The following PACRG variants were observed in gnomAD, a reference collection of about 807,000 sequenced individuals.
PACRG encodes parkin coregulated gene protein.
Under a neutral mutation model 29.7 loss-of-function variants are expected in PACRG, and 29 were observed. The ratio of observed to expected loss-of-function variants is 0.98; its 90% CI spans 0.73 to 1.33. The LOEUF (loss-of-function observed/expected upper bound fraction) is 1.33, where lower values mean the gene tolerates loss of function less well. Ranked by LOEUF, PACRG falls within the 40% of genes most tolerant of loss-of-function variation. The pLI, the probability that PACRG is intolerant of heterozygous loss-of-function variation, is 0.00. For missense variants in PACRG, 279 were observed against 316.2 expected (o/e 0.88, Z 0.89); for synonymous variants, 116 against 118.7 (o/e 0.98, Z 0.15).
intron 4 of PACRG, among the ~76,000 whole-genome samples, chr6:163,118,564 C>G (rs74426080): frequency 0.011 from 1,645 of 152,318 alleles, 34 homozygotes; most frequent in African/African-American, 0.038. Flanking sequence ...TTAGGCTGAT[C>G]CTACCTTACC....
chr6:163,233,786 A>G (rs1013223208), intron 4 of PACRG, among the ~76,000 whole-genome samples: 2 of 152,230 alleles, frequency 1.3e-5, no homozygotes, highest in Non-Finnish European at 2.9e-5. Flanking sequence ...GTAAAAGATA[A>G]CTTCTGGATT....
intron 4 of PACRG, among the ~76,000 whole-genome samples, chr6:163,162,655 A>T (rs1778606107): frequency 6.6e-6 from 1 of 152,206 alleles, no homozygotes; most frequent in African/African-American, 2.4e-5. Flanking sequence ...GCAAGGATTC[A>T]AGTGTCACAT....
intron 4 of PACRG, among the ~76,000 whole-genome samples, chr6:163,097,974 A>C (rs1277158748): frequency 6.6e-6 from 1 of 152,176 alleles, no homozygotes; most frequent in Non-Finnish European, 1.5e-5. Flanking sequence ...ATGACTTTTC[A>C]GTCCATTTCA....
At chr6:163,003,099 A>G (rs988792002) in intron 2 of PACRG, among the ~76,000 whole-genome samples, 1 of 152,200 alleles carries the variant, frequency 6.6e-6, no homozygotes, top group African/African-American at 2.4e-5. Context: ...CATTCTCACC[A>G]GCTGCTGCTA....
At chr6:163,160,057 G>A (rs576706789) in intron 4 of PACRG, among the ~76,000 whole-genome samples, 3 of 152,290 alleles carry the variant, frequency 2.0e-5, no homozygotes, top group African/African-American at 7.2e-5. Context: ...TTTTCGCTGT[G>A]TGTTGGGAAT....
At chr6:163,253,682 A>C (rs546396607) in intron 4 of PACRG, among the ~76,000 whole-genome samples, 5 of 152,352 alleles carry the variant, frequency 3.3e-5, no homozygotes, top group Admixed American at 6.5e-5. Flanking sequence ...TGTCAGTTTT[A>C]TAAATAGAAT....
intron 4 of PACRG, among the ~76,000 whole-genome samples, chr6:163,195,006 G>A (rs1233825193): frequency 6.6e-6 from 1 of 152,142 alleles, no homozygotes; most frequent in Non-Finnish European, 1.5e-5. Flanking sequence ...TGAACAGTGA[G>A]CCTCTCCTCC....
intron 1 of PACRG, among the ~76,000 whole-genome samples, chr6:162,801,067 A>C (rs758943127): frequency 6.6e-6 from 1 of 152,198 alleles, no homozygotes; most frequent in Non-Finnish European, 1.5e-5. Flanking sequence ...GGTCAAGCTG[A>C]AAAACCAGCT....
chr6:163,098,451 C>G (rs1814798346), intron 4 of PACRG, among the ~76,000 whole-genome samples: 1 of 152,234 alleles, frequency 6.6e-6, no homozygotes, highest in African/African-American at 2.4e-5. Flanking sequence ...GCTCGTCCCT[C>G]CGATTATTCC....
intron 3 of PACRG, among the ~76,000 whole-genome samples, chr6:163,066,058 C>T (rs924711802): frequency 1.3e-5 from 2 of 152,178 alleles, no homozygotes; most frequent in East Asian, 3.9e-4. Context: ...GAAAAATTAT[C>T]TCTTATTACG....
chr6:163,099,485 T>C (rs531439202), intron 4 of PACRG, among the ~76,000 whole-genome samples: 1 of 152,224 alleles, frequency 6.6e-6, no homozygotes, highest in South Asian at 2.1e-4. Flanking sequence ...CAAATAGCAA[T>C]TTCTAAAGCT....
intron 2 of PACRG, among the ~76,000 whole-genome samples, chr6:162,977,964 G>T (rs148452911): frequency 0.067 from 10,083 of 150,672 alleles, 973 homozygotes; most frequent in African/African-American, 0.2. Context: ...GCCAACATGG[G>T]GAAACCCCAT....
chr6:162,727,375 A>C, upstream of PACRG: 5 of 429,392 alleles, frequency 1.2e-5, no homozygotes, highest in Non-Finnish European at 1.2e-5. Context: ...GGGACCGCGA[A>C]CGAGGAGCGG....
chr6:162,935,121 A>G (rs893686744), intron 2 of PACRG, among the ~76,000 whole-genome samples: 1 of 151,964 alleles, frequency 6.6e-6, no homozygotes, highest in African/African-American at 2.4e-5. Flanking sequence ...TAATTTTCTC[A>G]TTGTCTTTGA....
At chr6:163,182,700 T>C (rs1252786086) in intron 4 of PACRG, 1 of 152,278 alleles carries the variant, frequency 6.6e-6, no homozygotes, top group Non-Finnish European at 1.5e-5. Context: ...TTCACCTATG[T>C]TACCTCATTT....
At chr6:163,224,592 A>G (rs1562325536) in intron 4 of PACRG, among the ~76,000 whole-genome samples, 1 of 152,124 alleles carries the variant, frequency 6.6e-6, no homozygotes, top group African/African-American at 2.4e-5. Flanking sequence ...GGGAAGGGAC[A>G]GTCTCTTCAA....
At chr6:163,097,065 A>G (rs1004480682) in intron 4 of PACRG, among the ~76,000 whole-genome samples, 7 of 152,172 alleles carry the variant, frequency 4.6e-5, no homozygotes, top group African/African-American at 1.4e-4. Context: ...CATCATTGCA[A>G]AGAAGGGCTG....
chr6:162,846,278 G>A (rs1412846658), intron 2 of PACRG, among the ~76,000 whole-genome samples: 3 of 152,136 alleles, frequency 2.0e-5, no homozygotes, highest in Admixed American at 2.0e-4. Context: ...ACAGGAACAC[G>A]GTAGATTTTA....
intron 2 of PACRG, among the ~76,000 whole-genome samples, chr6:162,838,211 T>C (rs1789412903): frequency 6.6e-6 from 1 of 152,182 alleles, no homozygotes; most frequent in Admixed American, 6.5e-5. Flanking sequence ...TGAATCTCCG[T>C]GGCTTGACAT....
Sources: gnomAD v4.1 joint callset for allele counts (sites outside exome capture counted in the v4.1 genomes callset) on GRCh38, gnomAD v4.1.1 for gene constraint, MANE v1.5 for transcripts, NCBI Gene and HGNC (gene_info 2026-07-23, HGNC 2026-07-21) for gene names.